The following CAMTA1 variants were observed in gnomAD, a reference collection of about 807,000 sequenced individuals.
CAMTA1 encodes the protein calmodulin-binding transcription activator 1.
CAMTA1 carries 27 observed loss-of-function variants against 170.9 expected under a neutral mutation model. The ratio of observed to expected loss-of-function variants is 0.16; its 90% CI spans 0.12 to 0.22. The LOEUF (loss-of-function observed/expected upper bound fraction) is 0.22, where lower values mean the gene tolerates loss of function less well. CAMTA1 is among the 10% of genes least tolerant of loss of function. The pLI, the probability that CAMTA1 is intolerant of heterozygous loss-of-function variation, is 1.00. For synonymous variants in CAMTA1, 833 were observed against 891.5 expected (o/e 0.93, Z 1.17); for missense variants, 1,619 against 2,217.2 (o/e 0.73, Z 5.42).
At chr1:7,610,382 C>G (rs1411840453) in intron 6 of CAMTA1, among the ~76,000 whole-genome samples, 1 of 152,212 alleles carries the variant, frequency 6.6e-6, no homozygotes, top group East Asian at 1.9e-4. Context: ...TGAACTTGCA[C>G]TTAATAAACA....
At chr1:7,140,583 G>C (rs1481587603) in intron 4 of CAMTA1, among the ~76,000 whole-genome samples, 1 of 152,104 alleles carries the variant, frequency 6.6e-6, no homozygotes, top group Non-Finnish European at 1.5e-5. Context: ...TGTTATGTAA[G>C]CAGTAAACAC....
At chr1:7,321,591 C>T (rs1190651687) in intron 5 of CAMTA1, among the ~76,000 whole-genome samples, 1 of 152,140 alleles carries the variant, frequency 6.6e-6, no homozygotes, top group Non-Finnish European at 1.5e-5. Context: ...GCTCCTAGGC[C>T]CTTTAATCCC....
chr1:7,065,726 C>T lies in CAMTA1; in HGVS notation c.235-25578C>T, dbSNP rs758627099. ...ATGGGTCCGTGGATAGGTGGAAGCC[C>T]TAGGTCAAAATATCTGACTGCAGAA... On this transcript the variant is annotated intron_variant, in intron 3 of 22. Coordinates refer to ENST00000303635, the MANE Select transcript of CAMTA1 (RefSeq NM_015215.4). This position sits in a 1 kb window ranked among gnomAD's most constrained non-coding sequence, Gnocchi z 5.2. Among the ~76,000 whole-genome samples, 1 of 152,092 alleles carries T rather than the reference C, an allele frequency of 6.6e-6. No homozygotes were observed. Among genetic ancestry groups the T allele is most frequent in the Non-Finnish European group, 1.5e-5 (1 of 68,016 alleles).
intron 5 of CAMTA1, among the ~76,000 whole-genome samples, chr1:7,349,826 C>T (rs2084517134): frequency 6.6e-6 from 1 of 152,234 alleles, no homozygotes; most frequent in African/African-American, 2.4e-5. Flanking sequence ...ACAATTCACT[C>T]CATAACAGTC....
intron 7 of CAMTA1, among the ~76,000 whole-genome samples, chr1:7,654,897 T>C (rs1246156883): frequency 3.8e-5 from 4 of 103,946 alleles, no homozygotes; most frequent in East Asian, 3.2e-4. Context: ...CACAAATACA[T>C]CTATACACCC....
chr1:7,307,066 C>T (rs1410544576), intron 5 of CAMTA1, among the ~76,000 whole-genome samples: 1 of 151,882 alleles, frequency 6.6e-6, no homozygotes, highest in Non-Finnish European at 1.5e-5. Flanking sequence ...TAATCCTCTG[C>T]AGATGCCAAG....
intron 5 of CAMTA1, among the ~76,000 whole-genome samples, chr1:7,361,295 C>G (rs2085517987): frequency 6.6e-6 from 1 of 152,196 alleles, no homozygotes; most frequent in Admixed American, 6.6e-5. Flanking sequence ...TTGGGCCAGA[C>G]CTGTCATCAA....
At chr1:7,392,258 C>CTTT (rs3034862) in intron 5 of CAMTA1, among the ~76,000 whole-genome samples, 22,082 of 135,694 alleles carry the variant, frequency 0.16, 2,472 homozygotes, top group East Asian at 0.5. Context: ...AGACCCCCAT[C>CTTT]TTTTTTTTTT....
rs948452630 is a variant in CAMTA1 at position 7,632,044 on chromosome 1, C to T, written c.511-8356C>T. Among the ~76,000 whole-genome samples, 41 of 152,322 alleles carry T rather than the reference C, an allele frequency of 2.7e-4. 2 individuals are homozygous for T. The highest frequency in any genetic ancestry group is 9.9e-4 in the African/African-American group (41 of 41,562). On this transcript the variant is annotated intron_variant, in intron 6 of 22. Coordinates refer to ENST00000303635, the MANE Select transcript of CAMTA1 (RefSeq NM_015215.4). ...TCGCCCAGTGCCGCCCAGTGCCGCCCTCTATCCCGTCCCTAATAAACCCTG... is the reference window on the plus strand; with the variant it reads ...TCGCCCAGTGCCGCCCAGTGCCGCCTTCTATCCCGTCCCTAATAAACCCTG...
rs544296383 is a variant in CAMTA1, at chr1:7,281,146, T to A, written c.438+31520T>A. ...AACAAAGGGTACCTCTATGTCTAGTTCCCCTACTGGCAGCAGAAATTATAT... is the reference window on the plus strand; with the variant it reads ...AACAAAGGGTACCTCTATGTCTAGTACCCCTACTGGCAGCAGAAATTATAT... On this transcript the variant is annotated intron_variant, in intron 5 of 22. Transcript: ENST00000303635. Among the ~76,000 whole-genome samples the A allele has an allele frequency of 1.4e-4, 21 of 152,336 alleles. No homozygotes were observed. In the East Asian group the frequency reaches 3.5e-3, roughly 25 times the overall value.
At chr1:7,122,960 T>G (rs975371365) in intron 4 of CAMTA1, among the ~76,000 whole-genome samples, 1 of 152,168 alleles carries the variant, frequency 6.6e-6, no homozygotes, top group Admixed American at 6.5e-5. Flanking sequence ...TGTCTGCCCA[T>G]GTCACATTCC....
intron 5 of CAMTA1, among the ~76,000 whole-genome samples, chr1:7,255,993 G>A (rs946738371): frequency 6.6e-6 from 1 of 152,174 alleles, no homozygotes; most frequent in African/African-American, 2.4e-5. Context: ...GGGAGCGTCT[G>A]TTCAGGGGCA....
At chr1:7,625,979 A>G (rs1043104648) in intron 6 of CAMTA1, among the ~76,000 whole-genome samples, 1 of 152,242 alleles carries the variant, frequency 6.6e-6, no homozygotes, top group Non-Finnish European at 1.5e-5. Flanking sequence ...GAAAATAACA[A>G]AAAGAAAAAC....
chr1:6,996,380 G>A (rs991639325), intron 3 of CAMTA1, among the ~76,000 whole-genome samples: 2 of 152,202 alleles, frequency 1.3e-5, no homozygotes, highest in African/African-American at 4.8e-5. Flanking sequence ...TATAAACTCT[G>A]TCTTGTCTCT....
At chr1:6,910,478 A>G (rs762801766) in intron 3 of CAMTA1, among the ~76,000 whole-genome samples, 3 of 152,186 alleles carry the variant, frequency 2.0e-5, no homozygotes, top group Admixed American at 6.5e-5. Context: ...TGTTTTTGCT[A>G]CATTGGAGGC....
At chr1:7,511,576 G>T (rs567436401) in intron 6 of CAMTA1, among the ~76,000 whole-genome samples, 45 of 152,244 alleles carry the variant, frequency 3.0e-4, no homozygotes, top group African/African-American at 8.9e-4. Flanking sequence ...TCCAGCTGCT[G>T]CTAGGCATTC....
chr1:7,125,834 G>A (rs148848980), intron 4 of CAMTA1, among the ~76,000 whole-genome samples: 11 of 152,288 alleles, frequency 7.2e-5, no homozygotes, highest in Middle Eastern at 3.4e-3. Context: ...GGTTCCAGGG[G>A]TCCCTCCTTT....
chr1:7,040,394 A>G lies in CAMTA1; in HGVS notation c.235-50910A>G, dbSNP rs370026795. Among the ~76,000 whole-genome samples, 34 of 152,288 alleles carry G rather than the reference A, an allele frequency of 2.2e-4. 3 individuals are homozygous for G. Among genetic ancestry groups the G allele is most frequent in the Admixed American group, 9.2e-4 (14 of 15,294 alleles). ...ATATGGCTTTACGTGACGGACTGTA[A>G]TGGTTGCTTCGGAGTCATTAGAGCC... On this transcript the variant is annotated intron_variant, in intron 3 of 22. Coordinates refer to ENST00000303635, the MANE Select transcript of CAMTA1 (RefSeq NM_015215.4).
At chr1:7,012,912 C>G (rs1021976750) in intron 3 of CAMTA1, among the ~76,000 whole-genome samples, 1 of 152,174 alleles carries the variant, frequency 6.6e-6, no homozygotes, top group African/African-American at 2.4e-5. Flanking sequence ...GGAACCTCCA[C>G]TTGTCTCGGG....
Sources: gnomAD v4.1 joint callset for allele counts (sites outside exome capture counted in the v4.1 genomes callset) on GRCh38, gnomAD v4.1.1 for gene constraint, Gnocchi (gnomAD v3.1) non-coding constraint, MANE v1.5 for transcripts, NCBI Gene and HGNC (gene_info 2026-07-23, HGNC 2026-07-21) for gene names.